AARS2: variants seen among roughly 807,000 people sequenced by gnomAD.
The protein encoded by AARS2 is alanyl-tRNA synthetase 2, mitochondrial, also known as alanine--tRNA ligase, mitochondrial.
AARS2 carries 78 observed loss-of-function variants against 119.7 expected under a neutral mutation model. The ratio of observed to expected loss-of-function variants is 0.65; its 90% CI spans 0.54 to 0.79. The LOEUF (loss-of-function observed/expected upper bound fraction) is 0.79, where lower values mean the gene tolerates loss of function less well. Ranked by LOEUF, AARS2 falls within the 30% of genes least tolerant of loss-of-function variation. AARS2 has a pLI of 0.00. For missense variants in AARS2, 1,157 were observed against 1,291.3 expected (o/e 0.90, Z 1.59); for synonymous variants, 502 against 526.3 (o/e 0.95, Z 0.63).
Position 44,313,229 on chromosome 6 carries a change from G to A in AARS2, c.95C>T (p.Ser32Leu), listed in dbSNP as rs1336071214. The A allele has an allele frequency of 6.3e-7, 1 of 1,597,084 alleles. No individual in the cohort carries two copies. The highest frequency in any genetic ancestry group is 8.5e-7 in the Non-Finnish European group (1 of 1,175,096). Residue 32 changes from serine (S) to leucine (L), a missense_variant, in exon 1 of 22, where the codon TCG (serine) becomes TTG (leucine). Coordinates refer to ENST00000244571, the MANE Select transcript of AARS2 (RefSeq NM_020745.4). ...WRGLSHRPLS[S>L]EPPAAKASAV... The stretch of plus-strand genomic sequence containing the variant: ...CGAGGCCTTGGCTGCAGGGGGCTCC[G>A]ATGAGAGCGGCCGATGGCTGAGGCC...
chr6:44,299,882 C>A lies in AARS2; in HGVS notation c.*665G>T. 6.6e-6 allele frequency: 1 copy of A among 152,560 alleles called. No homozygotes were observed. The highest frequency in any genetic ancestry group is 6.5e-5 in the Admixed American group (1 of 15,410). 9.5% of individuals were successfully genotyped at this position (152,560 alleles called of 1,614,324 possible). ...ATGGCCCGATTTGGATCCTGGGTGG[C>A]CTTTCAGACAGTGTGAGTTCAGACT... On this transcript the variant is annotated 3_prime_UTR_variant, in exon 22 of 22. Transcript: ENST00000244571.
Position 44,312,192 on chromosome 6 carries a change from G to T in AARS2, c.315C>A (p.Ser105Arg). The T allele has an allele frequency of 6.2e-7, 1 of 1,614,190 alleles. No individual in the cohort carries two copies. The highest frequency in any genetic ancestry group is 8.5e-7 in the Non-Finnish European group (1 of 1,180,004). ...GTCCTCCAGCTCTCACACATTTCTG[G>T]CTGTTGGCCACACGTCGGAAGCCTG... ...EMAGFRRVAN[S>R]QKCVRAGGHH... The change falls in exon 2 of 22, where the codon AGC becomes AGA. Residue 105 changes from serine (S) to arginine (R), a missense_variant. Ser to Arg is a moderately radical substitution (Grantham distance 110). Transcript: ENST00000244571.
In AARS2 at chr6:44,313,114, G is replaced by A; in HGVS notation, c.210C>T (p.Pro70=). 3 of 1,613,250 alleles carry A rather than the reference G, an allele frequency of 1.9e-6. No individual in the cohort carries two copies. The highest frequency in any genetic ancestry group is 1.7e-6 in the Non-Finnish European group (2 of 1,179,842). ...PSASVRPRGD[P]SLLFVNAGMN... ...TGCCCGCATTGACAAAAAGCAAACT[G>A]GGGTCGCCGCGGGGCCGCACGGAAG... is the stretch of plus-strand genomic sequence containing the variant. The change falls in exon 1 of 22, where the codon CCC becomes CCT. Residue 70 remains proline (P), a synonymous_variant. Transcript: ENST00000244571.
rs755199492 is a variant in AARS2, at chr6:44,301,386, G to A, written c.2677C>T (p.Leu893Phe). 6.2e-7 allele frequency: 1 copy of A among 1,614,000 alleles called. No individual in the cohort carries two copies. The highest frequency in any genetic ancestry group is 2.2e-5 in the East Asian group (1 of 44,874). The change falls in exon 20 of 22, where the codon CTC (leucine) becomes TTC (phenylalanine). Residue 893 changes from leucine (L) to phenylalanine (F), a missense_variant. Leu to Phe is a conservative substitution (Grantham distance 22). Coordinates refer to ENST00000244571, the MANE Select transcript of AARS2 (RefSeq NM_020745.4). ...CCGGCTTGGCTAGCACTCACTGAGAGAGACTCAGCAGAGACTGTGTCCACA... is the reference window on the plus strand; with the variant it reads ...CCGGCTTGGCTAGCACTCACTGAGAAAGACTCAGCAGAGACTGTGTCCACA... ...LIVDTVSAES[L>F]SVLVKVVRQL...
At chr6:44,306,838 A>AGGCT in intron 7 of AARS2, 85 bp downstream of exon 7, 3 of 1,328,956 alleles carry the variant, frequency 2.3e-6, no homozygotes, top group Non-Finnish European at 3.3e-6. Flanking sequence ...CTGGGCACCC[A>AGGCT]GGCTGGGGGC....
rs375008142 is a variant in AARS2, at chr6:44,312,282, G to A, written c.244-19C>T. 3 of 1,611,356 alleles carry A rather than the reference G, an allele frequency of 1.9e-6. No individual in the cohort carries two copies. Among genetic ancestry groups the A allele is most frequent in the Non-Finnish European group, 2.5e-6 (3 of 1,177,870 alleles). On this transcript the variant is annotated intron_variant, in intron 1 of 21. Transcript: ENST00000244571. Reference sequence around the variant, plus strand: ...GCTTGAACTGGAAGCACATAGAGTGGGGAGGGGGAGAGGGATATCCAATTT... The same window carrying A: ...GCTTGAACTGGAAGCACATAGAGTGAGGAGGGGGAGAGGGATATCCAATTT...
At chr6:44,304,882 C>T in intron 11 of AARS2, 65 bp from the exon 12 acceptor site, 3 of 1,611,346 alleles carry the variant, frequency 1.9e-6, no homozygotes, top group Non-Finnish European at 2.5e-6. Flanking sequence ...TGGGTCTGTG[C>T]CTGGAGGCCA....
chr6:44,308,557 AG>A (rs1786067188), intron 5 of AARS2, among the ~76,000 whole-genome samples: 1 of 151,920 alleles, frequency 6.6e-6, no homozygotes, highest in South Asian at 2.1e-4. Context: ...AAAAAAAAGA[AG>A]GGTTCTCAGT....
rs757955986 is a variant in AARS2, at chr6:44,312,069, C to A, written c.435+3G>T. ...GGCTGATCACTGATCCCCAGAGACT[C>A]ACCTTAAAATATTCACCCCCAAAGG... On this transcript the variant is annotated splice_donor_region_variant and intron_variant, in intron 2 of 21. Transcript: ENST00000244571. The A allele has an allele frequency of 1.2e-6, 2 of 1,613,876 alleles. No homozygotes were observed. The highest frequency in any genetic ancestry group is 2.7e-5 in the African/African-American group (2 of 74,910).
In AARS2 at chr6:44,313,234, G is replaced by C. The variant is rs1256170552; in HGVS notation, c.90C>G (p.Leu30=). ...PAWRGLSHRP[L]SSEPPAAKAS... is the part of the protein sequence containing the mutation. ...CCTTGGCTGCAGGGGGCTCCGATGA[G>C]AGCGGCCGATGGCTGAGGCCCCGCC... Residue 30 remains leucine (L), a synonymous_variant, in exon 1 of 22, where the codon CTC becomes CTG. Transcript: ENST00000244571. The C allele has an allele frequency of 1.2e-5, 19 of 1,593,528 alleles. No individual in the cohort carries two copies. The highest frequency in any genetic ancestry group is 1.2e-5 in the Non-Finnish European group (14 of 1,173,928).
chr6:44,299,642 G>T lies in AARS2; in HGVS notation c.*905C>A, dbSNP rs115747904. ...GGAAGGAACTGTCAGTTTAGTGCCC[G>T]CCACGTTCTCAGTTGCTCAATTCAT... On this transcript the variant is annotated 3_prime_UTR_variant, in exon 22 of 22. Coordinates refer to ENST00000244571, the MANE Select transcript of AARS2 (RefSeq NM_020745.4). 6.6e-6 allele frequency: 1 copy of T among 152,040 alleles called. No individual in the cohort carries two copies. The highest frequency in any genetic ancestry group is 1.5e-5 in the Non-Finnish European group (1 of 68,032). 9.4% of individuals were successfully genotyped at this position (152,040 alleles called of 1,614,324 possible). A position where few individuals can be genotyped will look rare whatever the true frequency, so the allele number is the denominator to read the frequency against.
intron 1 of AARS2, among the ~76,000 whole-genome samples, 189 bp downstream of exon 1, chr6:44,312,892 C>T (rs1250014865): frequency 2.0e-5 from 3 of 152,182 alleles, no homozygotes; most frequent in Non-Finnish European, 2.9e-5. Context: ...AAGTTCCCAG[C>T]TCAAGCCCTC....
chr6:44,302,519 G>A lies in AARS2; in HGVS notation c.2365-6C>T, dbSNP rs201292064. On this transcript the variant is annotated splice_region_variant and splice_polypyrimidine_tract_variant and intron_variant, in intron 17 of 21. Transcript: ENST00000244571. ...CTCTGGCCTAGCTCTCGGGCCTGCAGGGAGGGGACAGGAGGGTCAGGATTA... is the reference window on the plus strand; with the variant it reads ...CTCTGGCCTAGCTCTCGGGCCTGCAAGGAGGGGACAGGAGGGTCAGGATTA... 5.0e-6 allele frequency: 8 copies of A among 1,614,070 alleles called. No homozygotes were observed. Among genetic ancestry groups the A allele is most frequent in the Non-Finnish European group, 3.4e-6 (4 of 1,180,008 alleles).
In AARS2 at chr6:44,312,138, T is replaced by C; in HGVS notation, c.369A>G (p.Arg123=). 6.2e-7 allele frequency: 1 copy of C among 1,614,240 alleles called. No homozygotes were observed. The highest frequency in any genetic ancestry group is 8.5e-7 in the Non-Finnish European group (1 of 1,180,048). Reference sequence around the variant, plus strand: ...CAAAGAAGGTATGATGGGAAAGGTCTCGACCCACATCTTCCAGGTCGTTAT... The same window carrying C: ...CAAAGAAGGTATGATGGGAAAGGTCCCGACCCACATCTTCCAGGTCGTTAT... ...GHHNDLEDVG[R]DLSHHTFFEM... Residue 123 remains arginine (R), a synonymous_variant, in exon 2 of 22, where the codon CGA becomes CGG. Transcript: ENST00000244571.
intron 2 of AARS2, 50 bp downstream of exon 2, chr6:44,312,022 A>C (rs1320797121): frequency 6.3e-7 from 1 of 1,598,588 alleles, no homozygotes; most frequent in Admixed American, 1.7e-5. Flanking sequence ...CAATGGAAAC[A>C]GGACAAATTG....
chr6:44,304,894 C>T, intron 11 of AARS2, 77 bp from the exon 12 acceptor site: 2 of 1,609,376 alleles, frequency 1.2e-6, no homozygotes, highest in Non-Finnish European at 1.7e-6. Flanking sequence ...TGGAGGCCAA[C>T]AAGCACCCCC....
chr6:44,300,658 G>T lies in AARS2; in HGVS notation c.2847C>A (p.His949Gln), dbSNP rs1785278487. ...AEAWALAVCS[H>Q]MGGKAWGSRV... ...GTGAGCCCCACGCCTTGCCCCCCAT[G>T]TGGCTGCACACTGCCAGTGCCCAGG... The change falls in exon 22 of 22, where the codon CAC (histidine) becomes CAA (glutamine). Residue 949 changes from histidine to glutamine, a missense_variant. Physicochemically the swap from His to Gln is conservative, Grantham distance 24 (BLOSUM62 0). Transcript: ENST00000244571. 6.2e-7 allele frequency: 1 copy of T among 1,613,690 alleles called. No individual in the cohort carries two copies. The highest frequency in any genetic ancestry group is 1.3e-5 in the African/African-American group (1 of 74,948).
intron 2 of AARS2, 34 bp downstream of exon 2, chr6:44,312,038 C>T: frequency 1.2e-6 from 2 of 1,609,722 alleles, no homozygotes; most frequent in Non-Finnish European, 1.7e-6. Flanking sequence ...AATTGACTCC[C>T]TTCTTGGCTG....
intron 20 of AARS2, 34 bp downstream of exon 20, chr6:44,301,347 G>C (rs1216152589): frequency 6.2e-7 from 1 of 1,613,708 alleles, no homozygotes. Flanking sequence ...GCCCTCCCCA[G>C]ACCCTGGGGC....
Sources: allele counts gnomAD v4.1 joint callset (sites outside exome capture counted in the v4.1 genomes callset), GRCh38; gene constraint gnomAD v4.1.1; transcripts MANE v1.5; gene names NCBI Gene and HGNC (gene_info 2026-07-23, HGNC 2026-07-21).